The following CAPZB variants were observed in gnomAD, a reference collection of about 807,000 sequenced individuals.
The protein encoded by CAPZB is capping actin protein of muscle Z-line subunit beta, also known as F-actin-capping protein subunit beta.
A neutral mutation model predicts 38.1 loss-of-function variants in CAPZB; 2 were observed. That is an observed-to-expected ratio of 0.05 (90% CI 0.02 to 0.17). CAPZB has a LOEUF of 0.17. CAPZB is among the 10% of genes least tolerant of loss of function. The pLI is 1.00. For missense variants in CAPZB, 161 were observed against 334.2 expected, an observed-to-expected ratio of 0.48 and a Z score of 4.04; for synonymous variants, 107 against 127.4, an observed-to-expected ratio of 0.84 and a Z score of 1.08.
chr1:19,440,191 CCAT>C (rs2094471261), intron 1 of CAPZB, among the ~76,000 whole-genome samples: 1 of 152,106 alleles, frequency 6.6e-6, no homozygotes, highest in Non-Finnish European at 1.5e-5. Context: ...TTGCATACCA[CCAT>C]GTCTGGTTAA....
At chr1:19,349,930 C>A (rs1484556545) in intron 6 of CAPZB, among the ~76,000 whole-genome samples, 2 of 152,248 alleles carry the variant, frequency 1.3e-5, no homozygotes, top group Non-Finnish European at 2.9e-5. Context: ...AAAACAGAAC[C>A]ATTTGTGCAC....
intron 1 of CAPZB, among the ~76,000 whole-genome samples, chr1:19,452,704 G>A (rs527283467): frequency 6.6e-6 from 1 of 151,566 alleles, no homozygotes; most frequent in African/African-American, 2.4e-5. Flanking sequence ...CTGTTCCTCT[G>A]CTCTCCTCTC....
chr1:19,428,930 C>T (rs1489666994), intron 1 of CAPZB, among the ~76,000 whole-genome samples: 1 of 152,170 alleles, frequency 6.6e-6, no homozygotes, highest in Non-Finnish European at 1.5e-5. Flanking sequence ...ATCCCAGCTA[C>T]CCCATTATTT....
chr1:19,473,871 A>T (rs1041056921), intron 1 of CAPZB, among the ~76,000 whole-genome samples: 1 of 152,226 alleles, frequency 6.6e-6, no homozygotes, highest in African/African-American at 2.4e-5. Flanking sequence ...TCTTAAAAAA[A>T]AGAGAGAGAT....
chr1:19,353,614 T>C (rs2094003852), intron 6 of CAPZB, among the ~76,000 whole-genome samples: 1 of 152,122 alleles, frequency 6.6e-6, no homozygotes, highest in Non-Finnish European at 1.5e-5. Context: ...CCTTGATGAC[T>C]GTAACAGCTT....
intron 2 of CAPZB, among the ~76,000 whole-genome samples, chr1:19,409,410 T>C (rs2094347735): frequency 6.6e-6 from 1 of 152,158 alleles, no homozygotes; most frequent in African/African-American, 2.4e-5. Flanking sequence ...TTTCCAGCCA[T>C]CCCATCTCGG....
intron 2 of CAPZB, among the ~76,000 whole-genome samples, chr1:19,405,462 G>T (rs2094326353): frequency 7.2e-6 from 1 of 139,166 alleles, no homozygotes; most frequent in Admixed American, 7.7e-5. Context: ...GGGCGAAGAA[G>T]TATTAAGCCT....
intron 6 of CAPZB, among the ~76,000 whole-genome samples, chr1:19,350,107 G>A (rs1238528058): frequency 6.6e-6 from 1 of 152,256 alleles, no homozygotes; most frequent in African/African-American, 2.4e-5. Flanking sequence ...CCTAACACAG[G>A]CAAGTGTTTG....
In CAPZB at chr1:19,437,888, C is replaced by T. The variant is rs543050877; in HGVS notation, c.4-18138G>A. Reference sequence around the variant, plus strand: ...TAATAGAAGGCTCGGGAGGAGAGCTCGGAAAAGCAGAGGGGGTTGTTTTCC... The same window carrying T: ...TAATAGAAGGCTCGGGAGGAGAGCTTGGAAAAGCAGAGGGGGTTGTTTTCC... On this transcript the variant is annotated intron_variant, in intron 1 of 8. Transcript: ENST00000264202. 4.6e-5 allele frequency among the ~76,000 whole-genome samples: 7 copies of T among 152,270 alleles called. No individual in the cohort carries two copies. In the South Asian group the frequency reaches 1.4e-3, roughly 32 times the overall value.
At chr1:19,342,948 G>A in intron 8 of CAPZB, 2 of 841,638 alleles carry the variant, frequency 2.4e-6, no homozygotes, top group East Asian at 2.5e-5. Flanking sequence ...AGCTGAGGAG[G>A]AAATTCAGGG....
intron 1 of CAPZB, among the ~76,000 whole-genome samples, chr1:19,442,170 A>G (rs1266122732): frequency 6.6e-6 from 1 of 152,230 alleles, no homozygotes; most frequent in Non-Finnish European, 1.5e-5. Flanking sequence ...TAATCCTAAA[A>G]AAAAGGCTCA....
At chr1:19,342,423 GAC>G (rs999418969) in intron 8 of CAPZB, among the ~76,000 whole-genome samples, 4 of 152,258 alleles carry the variant, frequency 2.6e-5, no homozygotes, top group African/African-American at 9.6e-5. Flanking sequence ...CTGCCCTGGG[GAC>G]AGTCAGGCCG....
chr1:19,409,434 TCTAA>T lies in CAPZB; in HGVS notation c.93+10223_93+10226del, dbSNP rs139295800. On this transcript the variant is annotated intron_variant, in intron 2 of 8. Transcript: ENST00000264202. ...ATCCCATCTCGGTTTATTTTGCACT[TCTAA>T]CTACTAGTGAGGACCAAAGTTTCAC... 4.1e-3 allele frequency among the ~76,000 whole-genome samples: 628 copies of T among 152,284 alleles called. 3 individuals carry two copies. The highest frequency in any genetic ancestry group is 0.027 in the South Asian group (129 of 4,824).
At chr1:19,448,793 T>A in intron 1 of CAPZB, 1 of 1,611,086 alleles carries the variant, frequency 6.2e-7, no homozygotes, top group Non-Finnish European at 8.5e-7. Context: ...CACGGCCACC[T>A]GTTGCTCCTC....
Position 19,419,738 on chromosome 1 carries a change from G to A in CAPZB, c.16C>T (p.Leu6=). The change falls in exon 2 of 9, where the codon CTG becomes TTG. Residue 6 remains leucine, a synonymous_variant. Transcript: ENST00000264202. MSDQQ[L]DCALDLMRRL... ...CTCATTAGGTCCAAGGCACAGTCCA[G>A]CTGCTGATCACTCTGTGGAGGGAGA... 1.3e-6 allele frequency: 2 copies of A among 1,578,932 alleles called. No individual in the cohort carries two copies. The highest frequency in any genetic ancestry group is 3.5e-5 in the Admixed American group (2 of 57,022).
chr1:19,367,295 A>G (rs548922672), intron 4 of CAPZB, among the ~76,000 whole-genome samples: 8 of 152,354 alleles, frequency 5.3e-5, no homozygotes, highest in African/African-American at 1.9e-4. Context: ...ATGAACGGGC[A>G]AGCACTTGCC....
At chr1:19,371,414 G>A (rs1041849259) in intron 4 of CAPZB, among the ~76,000 whole-genome samples, 1 of 152,228 alleles carries the variant, frequency 6.6e-6, no homozygotes, top group African/African-American at 2.4e-5. Flanking sequence ...CTGGCTGGAC[G>A]CAAGGCGTGA....
At chr1:19,418,653 T>C (rs1161152132) in intron 2 of CAPZB, among the ~76,000 whole-genome samples, 1 of 152,198 alleles carries the variant, frequency 6.6e-6, no homozygotes, top group Admixed American at 6.5e-5. Context: ...AGCTGGGAGT[T>C]TGCATCCCTA....
At chr1:19,426,152 A>C (rs2094421752) in intron 1 of CAPZB, among the ~76,000 whole-genome samples, 1 of 152,196 alleles carries the variant, frequency 6.6e-6, no homozygotes, top group Non-Finnish European at 1.5e-5. Flanking sequence ...CAAACTACTC[A>C]GGGGGCAGCT....
Sources: allele counts gnomAD v4.1 joint callset (sites outside exome capture counted in the v4.1 genomes callset), GRCh38; gene constraint gnomAD v4.1.1; transcripts MANE v1.5; gene names NCBI Gene and HGNC (gene_info 2026-07-23, HGNC 2026-07-21).